The following CUBN variants were observed in gnomAD, a reference collection of about 807,000 sequenced individuals.
The protein encoded by CUBN is 460 kDa receptor.
Under a neutral mutation model 405.3 loss-of-function variants are expected in CUBN, and 282 were observed. The observed-to-expected ratio is 0.70, with a 90% CI of 0.63 to 0.77. CUBN has a LOEUF of 0.77. Among genes scored for constraint, CUBN ranks in the 30% least tolerant of loss-of-function variants. The pLI, the probability that CUBN is intolerant of heterozygous loss-of-function variation, is 0.00. For synonymous variants in CUBN, 1,684 were observed against 1,617.0 expected, an observed-to-expected ratio of 1.04 and a Z score of -0.99; for missense variants, 4,514 against 4,475.2, an observed-to-expected ratio of 1.01 and a Z score of -0.25.
At position 16,915,041 on chromosome 10, in the gene CUBN, T is replaced by G. The variant is rs776447439; in HGVS notation, c.7342A>C (p.Ser2448Arg). Residue 2448 changes from serine (S) to arginine (R), a missense_variant, in exon 47 of 67, where the codon AGT becomes CGT. Ser to Arg is a moderately radical substitution (Grantham distance 110). Transcript: ENST00000377833. ...GAATCAATGAACTCACCTTCCATAC[T>G]GGATTCAAATCGCAGTCTGAATCCT... ...ASGFRLRFESSMEECGGDLQG... is the reference protein window; with the variant it reads ...ASGFRLRFESRMEECGGDLQG... The G allele has an allele frequency of 6.2e-7, 1 of 1,613,810 alleles. No individual in the cohort carries two copies. Among genetic ancestry groups the G allele is most frequent in the South Asian group, 1.1e-5 (1 of 91,072 alleles).
At chr10:17,080,375 A>T (rs2131858746) in intron 17 of CUBN, among the ~76,000 whole-genome samples, 1 of 152,342 alleles carries the variant, frequency 6.6e-6, no homozygotes, top group South Asian at 2.1e-4. Flanking sequence ...TAGAACAGGT[A>T]TATTCCCTAG....
chr10:17,015,290 G>A (rs1297237575), intron 28 of CUBN, among the ~76,000 whole-genome samples: 1 of 152,156 alleles, frequency 6.6e-6, no homozygotes, highest in Admixed American at 6.5e-5. Context: ...CCAGACTCCA[G>A]GGTTGATTCC....
chr10:16,915,274 G>A, intron 46 of CUBN, 102 bp from the exon 47 acceptor site: 1 of 1,385,572 alleles, frequency 7.2e-7, no homozygotes, highest in Non-Finnish European at 1.0e-6. Context: ...TAAAAAACAA[G>A]ACCCTGCCTA....
chr10:16,877,163 TAAAAACAAAAATGTG>T, intron 56 of CUBN, 66 bp from the exon 57 acceptor site: 1 of 1,397,796 alleles, frequency 7.2e-7, no homozygotes, highest in South Asian at 1.2e-5. Context: ...GCCATAAAAA[TAAAAACAAAAATGTG>T]ATGATGACTC....
chr10:16,835,048 T>C lies in CUBN; in HGVS notation c.10328A>G (p.Glu3443Gly), dbSNP rs770286772. Residue 3443 changes from glutamate (E) to glycine (G), a missense_variant, in exon 64 of 67, where the codon GAG becomes GGG. This residue lies in a region of CUBN where 1,186 missense variants were observed against 1,186.9 expected (regional missense o/e 1.00). Transcript: ENST00000377833. ...ISLFFHSLGI[E>G]NSVECRNDFL... ...ATCGTTTCTGCATTCAACTGAGTTC[T>C]CGATGCCAAGTGAATGAAAAAAGAG... is the stretch of plus-strand genomic sequence containing the variant. The C allele has an allele frequency of 6.2e-7, 1 of 1,614,188 alleles. No homozygotes were observed. Among genetic ancestry groups the C allele is most frequent in the Middle Eastern group, 1.6e-4 (1 of 6,062 alleles).
At chr10:16,867,499 A>C (rs1840221482) in intron 59 of CUBN, among the ~76,000 whole-genome samples, 1 of 152,248 alleles carries the variant, frequency 6.6e-6, no homozygotes, top group African/African-American at 2.4e-5. Context: ...ACTGCAATGC[A>C]AAATCATAAT....
chr10:17,051,690 G>C (rs1289643712), intron 22 of CUBN, among the ~76,000 whole-genome samples: 1 of 151,396 alleles, frequency 6.6e-6, no homozygotes, highest in Non-Finnish European at 1.5e-5. Context: ...GTAAACTGTA[G>C]GCAGAAGAAA....
intron 28 of CUBN, among the ~76,000 whole-genome samples, chr10:17,000,131 T>C (rs1048702174): frequency 6.6e-6 from 1 of 152,210 alleles, no homozygotes; most frequent in African/African-American, 2.4e-5. Context: ...AATCCTCACA[T>C]GCTCCACCCC....
chr10:16,848,210 C>T lies in CUBN; in HGVS notation c.9663+3025G>A, dbSNP rs553571033. On this transcript the variant is annotated intron_variant, in intron 60 of 66. Transcript: ENST00000377833. ...GGCTGTTTTGATGACATTATCAAAT[C>T]ACACTCCATAAAAATGGATCTTGAG... is the stretch of plus-strand genomic sequence containing the variant. 3.3e-5 allele frequency among the ~76,000 whole-genome samples: 5 copies of T among 152,270 alleles called. No homozygotes were observed. In the East Asian group the frequency reaches 9.6e-4, roughly 29 times the overall value.
chr10:16,856,388 G>GA (rs1839869429), intron 59 of CUBN, among the ~76,000 whole-genome samples: 1 of 152,118 alleles, frequency 6.6e-6, no homozygotes, highest in Non-Finnish European at 1.5e-5. Context: ...TTTCTTCAGA[G>GA]AAAATACATG....
chr10:16,966,186 T>C (rs1843386404), intron 31 of CUBN, among the ~76,000 whole-genome samples: 2 of 152,184 alleles, frequency 1.3e-5, no homozygotes, highest in African/African-American at 2.4e-5. Context: ...TGGGCTCCCG[T>C]GGCTTTCCAA....
chr10:17,011,449 T>C (rs1834178693), intron 28 of CUBN, among the ~76,000 whole-genome samples: 1 of 152,146 alleles, frequency 6.6e-6, no homozygotes, highest in East Asian at 1.9e-4. Context: ...GGTGGGTTCG[T>C]GGTCTTGCTG....
At position 16,901,568 on chromosome 10, in the gene CUBN, G is replaced by GT. The variant is rs1841372621; in HGVS notation, c.8063-110dup. On this transcript the variant is annotated intron_variant, in intron 51 of 66. Transcript: ENST00000377833. ...ATCAGATTTTGTGATTAAAAACATA[G>GT]TAAGGCCAGGCATGGTGGCTCACGC... The GT allele has an allele frequency of 2.8e-6, 4 of 1,418,112 alleles. No individual in the cohort carries two copies. In the African/African-American group the frequency reaches 5.7e-5, roughly 20 times the overall value. The allele number at this position is 1,418,112 out of a possible 1,614,324, so 87.8% of individuals were successfully genotyped here. A position where few individuals can be genotyped will look rare whatever the true frequency, so the allele number is the denominator to read the frequency against.
chr10:17,022,227 C>G (rs1246549661), intron 27 of CUBN, among the ~76,000 whole-genome samples: 1 of 152,082 alleles, frequency 6.6e-6, no homozygotes, highest in Non-Finnish European at 1.5e-5. Context: ...GCTGAGTTCT[C>G]AAATCGGCTG....
intron 14 of CUBN, among the ~76,000 whole-genome samples, chr10:17,095,561 C>T (rs1836355481): frequency 6.6e-6 from 1 of 151,974 alleles, no homozygotes; most frequent in Non-Finnish European, 1.5e-5. Flanking sequence ...AAGATGCCAC[C>T]TCATACTTGT....
chr10:16,916,879 A>G (rs2131460664), intron 45 of CUBN, among the ~76,000 whole-genome samples: 1 of 150,946 alleles, frequency 6.6e-6, no homozygotes, highest in Non-Finnish European at 1.5e-5. Context: ...CAGTGGCGCA[A>G]TCTCGGCTCA....
At chr10:16,916,059 T>A (rs1306149065) in intron 45 of CUBN, 29 bp from the exon 46 acceptor site, 19 of 1,596,466 alleles carry the variant, frequency 1.2e-5, no homozygotes, top group African/African-American at 4.0e-5. Context: ...AATAAATAAA[T>A]AAGAAAGCAA....
In CUBN at chr10:16,915,049, A is replaced by T. The variant is rs764906476; in HGVS notation, c.7334T>A (p.Phe2445Tyr). 1.2e-6 allele frequency: 2 copies of T among 1,613,792 alleles called. No individual in the cohort carries two copies. The highest frequency in any genetic ancestry group is 1.7e-6 in the Non-Finnish European group (2 of 1,179,890). ...GAACTCACCTTCCATACTGGATTCA[A>T]ATCGCAGTCTGAATCCTGAGGCAGT... ...SVTASGFRLR[F>Y]ESSMEECGGD... Residue 2445 changes from phenylalanine (F) to tyrosine (Y), a missense_variant, in exon 47 of 67, where the codon TTT (phenylalanine) becomes TAT (tyrosine). Phe to Tyr is a conservative substitution (Grantham distance 22). Transcript: ENST00000377833.
chr10:16,916,632 C>T (rs1036126708), intron 45 of CUBN, among the ~76,000 whole-genome samples: 1 of 152,070 alleles, frequency 6.6e-6, no homozygotes, highest in Non-Finnish European at 1.5e-5. Context: ...AACATTGTTA[C>T]CACTAGGCTT....
Sources: allele counts gnomAD v4.1 joint callset (sites outside exome capture counted in the v4.1 genomes callset), GRCh38; gene constraint gnomAD v4.1.1; regional missense constraint gnomAD v4.1.1; transcripts MANE v1.5; gene names NCBI Gene and HGNC (gene_info 2026-07-23, HGNC 2026-07-21).